Variants in LIMCH1 observed in about 807,000 individuals in gnomAD.
LIMCH1 encodes LIM and calponin homology domains 1, also known as LIM and calponin homology domains-containing protein 1.
In LIMCH1, 113 loss-of-function variants were observed where a neutral mutation model predicts 176.5. That is an observed-to-expected ratio of 0.64 (90% CI 0.55 to 0.75). The LOEUF is 0.75. Ranked by LOEUF, LIMCH1 falls within the 30% of genes least tolerant of loss-of-function variation. LIMCH1 has a pLI of 0.00. For synonymous variants in LIMCH1, 619 were observed against 645.9 expected (o/e 0.96, Z 0.63); for missense variants, 1,674 against 1,814.9 (o/e 0.92, Z 1.41).
chr4:41,698,156 A>T lies in LIMCH1; in HGVS notation c.*971A>T, dbSNP rs1358824352. ...GTGAGCACTGCTCACCCTTGCTGGC[A>T]AGTTCTCCTTAAGGGCCTGAAGCAC... On this transcript the variant is annotated 3_prime_UTR_variant, in exon 32 of 32. Coordinates refer to ENST00000503057, the MANE Select transcript of LIMCH1 (RefSeq NM_001330672.2). The T allele has an allele frequency of 6.6e-6, 1 of 152,146 alleles. No homozygotes were observed. Among genetic ancestry groups the T allele is most frequent in the African/African-American group, 2.4e-5 (1 of 41,372 alleles). The allele number at this position is 152,146 out of a possible 1,614,324, so 9.4% of individuals were successfully genotyped here. A position where few individuals can be genotyped will look rare whatever the true frequency, so the allele number is the denominator to read the frequency against.
intron 1 of LIMCH1, among the ~76,000 whole-genome samples, chr4:41,403,711 T>C (rs2154119116): frequency 6.6e-6 from 1 of 152,334 alleles, no homozygotes; most frequent in Non-Finnish European, 1.5e-5. Flanking sequence ...CAATGCATTT[T>C]GGTTGGTCTA....
intron 1 of LIMCH1, among the ~76,000 whole-genome samples, chr4:41,458,590 A>G (rs2064903552): frequency 6.6e-6 from 1 of 151,966 alleles, no homozygotes; most frequent in Non-Finnish European, 1.5e-5. Flanking sequence ...CCTGGCCAAC[A>G]TGGTGAAACC....
intron 20 of LIMCH1, 49 bp downstream of exon 20, chr4:41,663,033 C>T (rs762031276): frequency 6.5e-7 from 1 of 1,537,280 alleles, no homozygotes; most frequent in Non-Finnish European, 8.9e-7. Flanking sequence ...GTTAACATGG[C>T]CCCATATTAC....
At chr4:41,528,280 GTC>G (rs1429691451) in intron 3 of LIMCH1, among the ~76,000 whole-genome samples, 1 of 152,066 alleles carries the variant, frequency 6.6e-6, no homozygotes, top group Non-Finnish European at 1.5e-5. Context: ...GCAAAATACT[GTC>G]TCTAGATAAA....
chr4:41,540,960 G>T (rs190125463), intron 1 of LIMCH1, among the ~76,000 whole-genome samples: 1 of 152,158 alleles, frequency 6.6e-6, no homozygotes, highest in Non-Finnish European at 1.5e-5. Flanking sequence ...AAGGAATGTT[G>T]AGTAGATCTA....
intron 22 of LIMCH1, 82 bp from the exon 23 acceptor site, chr4:41,676,300 G>A: frequency 9.5e-7 from 1 of 1,052,960 alleles, no homozygotes; most frequent in Non-Finnish European, 1.4e-6. Context: ...TGCCAGGCCA[G>A]AGGCCAATTG....
intron 1 of LIMCH1, among the ~76,000 whole-genome samples, chr4:41,363,782 G>A (rs1318221168): frequency 6.6e-6 from 1 of 152,172 alleles, no homozygotes; most frequent in African/African-American, 2.4e-5. Flanking sequence ...CACAGACCAC[G>A]TGGGGACAGC....
At chr4:41,667,842 T>A (rs1585614819) in intron 21 of LIMCH1, among the ~76,000 whole-genome samples, 1 of 151,586 alleles carries the variant, frequency 6.6e-6, no homozygotes, top group Non-Finnish European at 1.5e-5. Context: ...TCTCTAGATG[T>A]GGAAATGGGC....
In LIMCH1 at chr4:41,646,271, T is replaced by A. The variant is rs2094051047; in HGVS notation, c.2402T>A (p.Val801Asp). The change falls in exon 16 of 32, where the codon GTT becomes GAT. Residue 801 changes from valine to aspartate, a missense_variant. Transcript: ENST00000503057. ...RKSIKTYREI[V>D]QEKERREREL... is the part of the protein sequence containing the mutation. ...AGCATCAAAACCTACAGAGAAATTG[T>A]TCAAGAAAAGTGAGTTCTTTCTGTT... 1 of 1,607,380 alleles carries A rather than the reference T, an allele frequency of 6.2e-7. No homozygotes were observed. Among genetic ancestry groups the A allele is most frequent in the African/African-American group, 1.3e-5 (1 of 74,342 alleles).
chr4:41,679,029 G>A (rs1433994967), intron 23 of LIMCH1, among the ~76,000 whole-genome samples: 2 of 152,198 alleles, frequency 1.3e-5, no homozygotes, highest in Non-Finnish European at 2.9e-5. Flanking sequence ...CCAGGCTCCA[G>A]AGAATGCCAA....
chr4:41,440,024 G>A (rs2062536908), intron 1 of LIMCH1, among the ~76,000 whole-genome samples: 1 of 152,172 alleles, frequency 6.6e-6, no homozygotes, highest in Admixed American at 6.5e-5. Context: ...TGTACACTAG[G>A]CATTTTGCTT....
intron 2 of LIMCH1, among the ~76,000 whole-genome samples, chr4:41,517,190 G>A (rs181261589): frequency 3.2e-4 from 48 of 152,298 alleles, no homozygotes; most frequent in Non-Finnish European, 6.5e-4. Context: ...AAATGTGGAG[G>A]AGAGAGAATG....
intron 1 of LIMCH1, among the ~76,000 whole-genome samples, chr4:41,463,898 G>T (rs930985835): frequency 2.0e-5 from 3 of 151,854 alleles, no homozygotes; most frequent in African/African-American, 7.3e-5. Context: ...ACATTTTTTT[G>T]TAGGGATGAG....
At chr4:41,384,497 C>G (rs530393708) in intron 1 of LIMCH1, among the ~76,000 whole-genome samples, 3 of 152,132 alleles carry the variant, frequency 2.0e-5, no homozygotes, top group Non-Finnish European at 4.4e-5. Context: ...CGTGAGCCAC[C>G]GCGCCCGGCC....
intron 1 of LIMCH1, among the ~76,000 whole-genome samples, chr4:41,472,438 C>A (rs1466403897): frequency 6.7e-6 from 1 of 149,286 alleles, no homozygotes; most frequent in East Asian, 2.0e-4. Context: ...TTCTTTCTTT[C>A]TGACAGGGTC....
In LIMCH1 at chr4:41,697,263, A is replaced by G. The variant is rs1027806565; in HGVS notation, c.*78A>G. 2.2e-6 allele frequency: 3 copies of G among 1,344,370 alleles called. No homozygotes were observed. Among genetic ancestry groups the G allele is most frequent in the African/African-American group, 2.9e-5 (2 of 69,324 alleles). The allele number at this position is 1,344,370 out of a possible 1,614,324, so 83.3% of individuals were successfully genotyped here. On this transcript the variant is annotated 3_prime_UTR_variant, in exon 32 of 32. Transcript: ENST00000503057. ...CTGGCAACTGCTTAACAAAATCCCAAGCTCAGGGGCTTCTCAGCATTTACC... is the reference window on the plus strand; with the variant it reads ...CTGGCAACTGCTTAACAAAATCCCAGGCTCAGGGGCTTCTCAGCATTTACC...
chr4:41,651,099 A>G (rs1585343350), intron 18 of LIMCH1, among the ~76,000 whole-genome samples: 1 of 151,952 alleles, frequency 6.6e-6, no homozygotes, highest in African/African-American at 2.4e-5. Flanking sequence ...CTCTGCCTCC[A>G]GGCTTCAAGC....
At chr4:41,647,653 T>G (rs2094121478) in intron 17 of LIMCH1, among the ~76,000 whole-genome samples, 1 of 152,246 alleles carries the variant, frequency 6.6e-6, no homozygotes, top group African/African-American at 2.4e-5. Context: ...CTCAATGAGT[T>G]TGTAATAAAC....
intron 1 of LIMCH1, among the ~76,000 whole-genome samples, chr4:41,410,909 T>G (rs918250810): frequency 6.6e-6 from 1 of 152,178 alleles, no homozygotes; most frequent in Non-Finnish European, 1.5e-5. Flanking sequence ...AGCCCCACAC[T>G]CATACCTGCT....
Sources: gnomAD v4.1 joint callset for allele counts (sites outside exome capture counted in the v4.1 genomes callset) on GRCh38, gnomAD v4.1.1 for gene constraint, MANE v1.5 for transcripts, NCBI Gene and HGNC (gene_info 2026-07-23, HGNC 2026-07-21) for gene names.